The following KALRN variants were observed in gnomAD, a reference collection of about 807,000 sequenced individuals.
KALRN encodes the protein kalirin RhoGEF kinase, also known as kalirin.
Under a neutral mutation model 353.7 loss-of-function variants are expected in KALRN, and 70 were observed. That is an observed-to-expected ratio of 0.20 (90% confidence interval 0.16 to 0.24). KALRN has a LOEUF of 0.24. Ranked by LOEUF, KALRN falls within the 10% of genes least tolerant of loss-of-function variation. The pLI, the probability that KALRN is intolerant of heterozygous loss-of-function variation, is 1.00. For synonymous variants in KALRN, 1,391 were observed against 1,434.8 expected (o/e 0.97, Z 0.69); for missense variants, 2,791 against 3,756.7 (o/e 0.74, Z 6.72).
intron 6 of KALRN, among the ~76,000 whole-genome samples, chr3:124,304,860 GCC>G (rs1293350442): frequency 2.6e-5 from 4 of 152,252 alleles, no homozygotes. Flanking sequence ...TTCTTATCCT[GCC>G]CCAAACTACG....
chr3:124,590,478 A>G (rs1269424518), intron 34 of KALRN, among the ~76,000 whole-genome samples: 3 of 152,160 alleles, frequency 2.0e-5, no homozygotes, highest in African/African-American at 7.2e-5. Context: ...ATAAAAAAGC[A>G]AGTTGAATGT....
At chr3:124,541,614 C>G (rs1357579333) in intron 33 of KALRN, among the ~76,000 whole-genome samples, 1 of 150,816 alleles carries the variant, frequency 6.6e-6, no homozygotes, top group Non-Finnish European at 1.5e-5. Context: ...CGGCCGGGCA[C>G]AGTGGCTTAC....
chr3:124,585,928 A>G (rs2075134349), intron 34 of KALRN, among the ~76,000 whole-genome samples: 1 of 152,206 alleles, frequency 6.6e-6, no homozygotes, highest in South Asian at 2.1e-4. Flanking sequence ...ACTTCATCCA[A>G]GCCACCTTTC....
intron 3 of KALRN, among the ~76,000 whole-genome samples, chr3:124,242,282 C>T (rs533920097): frequency 6.6e-6 from 1 of 152,196 alleles, no homozygotes; most frequent in Non-Finnish European, 1.5e-5. Context: ...ATTTTACATG[C>T]ATTAACTTAA....
intron 42 of KALRN, among the ~76,000 whole-genome samples, chr3:124,658,814 T>G (rs1422060113): frequency 6.6e-6 from 1 of 152,208 alleles, no homozygotes; most frequent in African/African-American, 2.4e-5. Flanking sequence ...TCTTCTTAAG[T>G]GACCCTGGAG....
At chr3:124,431,699 A>T (rs2093284509) in intron 16 of KALRN, among the ~76,000 whole-genome samples, 2 of 152,234 alleles carry the variant, frequency 1.3e-5, no homozygotes, top group Admixed American at 1.3e-4. Context: ...TTTTACTAAA[A>T]AAAAAATTGT....
intron 1 of KALRN, among the ~76,000 whole-genome samples, chr3:124,119,412 T>G (rs1293252409): frequency 6.6e-6 from 1 of 152,252 alleles, no homozygotes; most frequent in Non-Finnish European, 1.5e-5. Flanking sequence ...TTGCAACAAA[T>G]TATGCTGTGA....
intron 33 of KALRN, among the ~76,000 whole-genome samples, chr3:124,512,568 T>A (rs546380158): frequency 1.3e-4 from 20 of 152,224 alleles, no homozygotes; most frequent in Non-Finnish European, 2.2e-4. Context: ...GTAGAATTGC[T>A]GGAACCACAG....
At chr3:124,376,921 A>G (rs560751040) in intron 10 of KALRN, among the ~76,000 whole-genome samples, 90 of 152,326 alleles carry the variant, frequency 5.9e-4, no homozygotes, top group African/African-American at 2.0e-3. Context: ...AGTGTATTGC[A>G]AAAGAAAAAA....
intron 14 of KALRN, among the ~76,000 whole-genome samples, chr3:124,414,521 C>T (rs3755664): frequency 0.016 from 2,441 of 152,244 alleles, 76 homozygotes; most frequent in East Asian, 0.076. Context: ...CAGAAAAACA[C>T]GGCTGAGTTA....
At chr3:124,526,873 G>A (rs899406669) in intron 33 of KALRN, among the ~76,000 whole-genome samples, 1 of 152,110 alleles carries the variant, frequency 6.6e-6, no homozygotes, top group African/African-American at 2.4e-5. Context: ...AAGAAGTACT[G>A]GGTATCCATC....
At chr3:124,260,058 T>C (rs2072624215) in intron 3 of KALRN, among the ~76,000 whole-genome samples, 1 of 152,180 alleles carries the variant, frequency 6.6e-6, no homozygotes, top group Non-Finnish European at 1.5e-5. Context: ...TGCCTTGCCA[T>C]ATGAGGTGCA....
At chr3:124,034,921 C>A (rs2039272150) in intron 1 of KALRN, among the ~76,000 whole-genome samples, 1 of 152,120 alleles carries the variant, frequency 6.6e-6, no homozygotes, top group Non-Finnish European at 1.5e-5. Flanking sequence ...AGGGTCTCTG[C>A]ACATCCATCT....
At position 124,725,380 on chromosome 3, in the gene KALRN, GAA is replaced by G. The variant is rs1172840127; in HGVS notation, c.*5916_*5917del. 6.6e-6 allele frequency: 1 copy of G among 152,108 alleles called. No homozygotes were observed. The highest frequency in any genetic ancestry group is 1.5e-5 in the Non-Finnish European group (1 of 68,002). 9.4% of individuals were successfully genotyped at this position (152,108 alleles called of 1,614,324 possible). ...AGTAGTTAGAACAAATATGAAGACTGAAAAAAACTAAACATACTCTTCATAAT... is the reference window on the plus strand; with the variant it reads ...AGTAGTTAGAACAAATATGAAGACTGAAAAACTAAACATACTCTTCATAAT... On this transcript the variant is annotated 3_prime_UTR_variant, in exon 60 of 60. Transcript: ENST00000682506.
At chr3:124,405,273 A>G (rs997139681) in intron 13 of KALRN, among the ~76,000 whole-genome samples, 3 of 152,288 alleles carry the variant, frequency 2.0e-5, no homozygotes, top group East Asian at 3.9e-4. Flanking sequence ...AAAATCCCTG[A>G]TGGAAATGTT....
chr3:124,528,999 TC>T (rs2067816707), intron 33 of KALRN, among the ~76,000 whole-genome samples: 1 of 152,326 alleles, frequency 6.6e-6, no homozygotes, highest in South Asian at 2.1e-4. Flanking sequence ...TGACTCAGAC[TC>T]ATCTGTAGAT....
chr3:124,154,874 C>G (rs1578713165), intron 1 of KALRN, among the ~76,000 whole-genome samples: 1 of 152,190 alleles, frequency 6.6e-6, no homozygotes, highest in Admixed American at 6.5e-5. Flanking sequence ...TACAAGGCTA[C>G]AGTAACCAAA....
intron 4 of KALRN, chr3:124,268,525 G>T: frequency 1.7e-6 from 1 of 578,380 alleles, no homozygotes; most frequent in Non-Finnish European, 3.1e-6. Flanking sequence ...GCTGGCAGTT[G>T]TAGAGGCTTG....
intron 3 of KALRN, 46 bp from the exon 4 acceptor site, chr3:124,264,452 T>C (rs1299542648): frequency 6.4e-7 from 1 of 1,569,448 alleles, no homozygotes; most frequent in Non-Finnish European, 8.7e-7. Flanking sequence ...TACTCCAAAG[T>C]CTCAGCTACC....
Sources: allele counts gnomAD v4.1 joint callset (sites outside exome capture counted in the v4.1 genomes callset), GRCh38; gene constraint gnomAD v4.1.1; transcripts MANE v1.5; gene names NCBI Gene and HGNC (gene_info 2026-07-23, HGNC 2026-07-21).